The following ZFHX3 variants were observed in gnomAD, a reference collection of about 807,000 sequenced individuals.
The protein encoded by ZFHX3 is zinc finger homeobox protein 3.
ZFHX3 carries 42 observed loss-of-function variants against 279.1 expected under a neutral mutation model. That is an observed-to-expected ratio of 0.15 (90% CI 0.12 to 0.19). The LOEUF is 0.19. Among genes scored for constraint, ZFHX3 ranks in the 10% least tolerant of loss-of-function variants. ZFHX3 has a pLI of 1.00. For missense variants in ZFHX3, 4,981 were observed against 4,754.0 expected, an observed-to-expected ratio of 1.05 and a Z score of -1.40; for synonymous variants, 2,293 against 1,957.8, an observed-to-expected ratio of 1.17 and a Z score of -4.52.
At chr16:73,728,578 T>C (rs1038865) in intron 1 of ZFHX3, among the ~76,000 whole-genome samples, 12,413 of 152,084 alleles carry the variant, frequency 0.082, 559 homozygotes, top group African/African-American at 0.11. Flanking sequence ...ACGATAACTC[T>C]TGTGAGTTAC....
chr16:73,592,258 A>G (rs1234152528), intron 2 of ZFHX3, among the ~76,000 whole-genome samples: 1 of 152,188 alleles, frequency 6.6e-6, no homozygotes, highest in African/African-American at 2.4e-5. Flanking sequence ...ACAAAAAACA[A>G]AACAACAAAA....
At chr16:73,034,596 G>A (rs72795149) in intron 1 of ZFHX3, among the ~76,000 whole-genome samples, 3,758 of 152,282 alleles carry the variant, frequency 0.025, 62 homozygotes, top group Middle Eastern at 0.044. Flanking sequence ...AGGGTGAAAC[G>A]AGCATTTCTA....
intron 7 of ZFHX3, among the ~76,000 whole-genome samples, chr16:73,100,403 G>A (rs1373869172): frequency 6.6e-6 from 1 of 152,142 alleles, no homozygotes; most frequent in African/African-American, 2.4e-5. Flanking sequence ...CTTTTTCTTT[G>A]ATCTGGCCCA....
intron 7 of ZFHX3, among the ~76,000 whole-genome samples, chr16:73,119,554 G>T (rs549249287): frequency 6.6e-6 from 1 of 152,186 alleles, no homozygotes; most frequent in Non-Finnish European, 1.5e-5. Flanking sequence ...GCTCCTGAGC[G>T]CTTGGACCAA....
chr16:73,612,147 T>C (rs2052253089), intron 2 of ZFHX3, among the ~76,000 whole-genome samples: 1 of 152,124 alleles, frequency 6.6e-6, no homozygotes, highest in Admixed American at 6.5e-5. Flanking sequence ...AAACTGCAGA[T>C]ACATAAAAAA....
intron 3 of ZFHX3, among the ~76,000 whole-genome samples, chr16:73,326,607 G>T (rs1014083585): frequency 6.6e-6 from 1 of 152,146 alleles, no homozygotes; most frequent in East Asian, 1.9e-4. Context: ...AAGGGTTGAG[G>T]GGGGAGGGAA....
chr16:73,535,703 G>T (rs373182506), intron 2 of ZFHX3, among the ~76,000 whole-genome samples: 1 of 150,866 alleles, frequency 6.6e-6, no homozygotes. Context: ...TTGGCCCTTG[G>T]GTTCTATGTG....
intron 5 of ZFHX3, among the ~76,000 whole-genome samples, chr16:73,254,852 G>C (rs1389725482): frequency 6.6e-6 from 1 of 152,116 alleles, no homozygotes; most frequent in Non-Finnish European, 1.5e-5. Context: ...AATAGAATAT[G>C]AGAGATGTCT....
intron 2 of ZFHX3, among the ~76,000 whole-genome samples, chr16:73,551,914 A>G (rs1267094840): frequency 6.6e-6 from 1 of 152,216 alleles, no homozygotes; most frequent in Non-Finnish European, 1.5e-5. Context: ...TATAATGCAT[A>G]CATATAAACA....
intron 1 of ZFHX3, among the ~76,000 whole-genome samples, chr16:72,976,791 T>C (rs1179013496): frequency 1.3e-5 from 2 of 152,182 alleles, no homozygotes; most frequent in Admixed American, 1.3e-4. Context: ...ACACTGACCA[T>C]GGCATCTCAT....
At chr16:73,423,210 C>T (rs1364969497) in intron 3 of ZFHX3, among the ~76,000 whole-genome samples, 1 of 143,836 alleles carries the variant, frequency 7.0e-6, no homozygotes, top group African/African-American at 2.6e-5. Context: ...ATAACACCAC[C>T]CTTTGTTATT....
intron 2 of ZFHX3, among the ~76,000 whole-genome samples, chr16:73,652,942 C>T (rs2052685292): frequency 6.6e-6 from 1 of 151,810 alleles, no homozygotes; most frequent in African/African-American, 2.4e-5. Context: ...AAATGGCAGA[C>T]TGAATAAAAA....
intron 1 of ZFHX3, among the ~76,000 whole-genome samples, chr16:73,852,969 C>A (rs1049527929): frequency 1.5e-5 from 1 of 65,678 alleles, no homozygotes; most frequent in Non-Finnish European, 4.0e-5. Flanking sequence ...ACAAGTAAAA[C>A]AAACAAACAA....
chr16:73,533,361 T>A (rs564812612), intron 2 of ZFHX3, among the ~76,000 whole-genome samples: 1 of 150,446 alleles, frequency 6.6e-6, no homozygotes, highest in East Asian at 2.0e-4. Flanking sequence ...AAACCACTCA[T>A]CCTCTTATCT....
intron 5 of ZFHX3, among the ~76,000 whole-genome samples, chr16:73,214,647 C>T (rs372469617): frequency 2.0e-5 from 3 of 151,996 alleles, no homozygotes; most frequent in African/African-American, 4.8e-5. Context: ...CCCATGTGCT[C>T]GAGATCTCTT....
chr16:73,764,493 AT>A (rs1213957727), intron 1 of ZFHX3, among the ~76,000 whole-genome samples: 2 of 152,200 alleles, frequency 1.3e-5, no homozygotes, highest in African/African-American at 2.4e-5. Context: ...CAGAGAATTC[AT>A]AGTGATCTTA....
chr16:73,819,191 G>A (rs866456938), intron 1 of ZFHX3, among the ~76,000 whole-genome samples: 1 of 151,812 alleles, frequency 6.6e-6, no homozygotes, highest in Non-Finnish European at 1.5e-5. Context: ...TCTCCCAATG[G>A]CAACGATAGC....
upstream of ZFHX3, among the ~76,000 whole-genome samples, chr16:73,064,660 G>C (rs1306228074): frequency 6.6e-6 from 1 of 152,084 alleles, no homozygotes; most frequent in African/African-American, 2.4e-5. Context: ...CCCAAACTTG[G>C]AGCGCCCGGA....
chr16:73,860,513 T>A (rs2142389354), intron 1 of ZFHX3, among the ~76,000 whole-genome samples: 1 of 152,136 alleles, frequency 6.6e-6, no homozygotes, highest in South Asian at 2.1e-4. Flanking sequence ...ATGACTTTGG[T>A]CTCCAACATG....
Sources: allele counts gnomAD v4.1 joint callset (sites outside exome capture counted in the v4.1 genomes callset), GRCh38; gene constraint gnomAD v4.1.1; transcripts MANE v1.5; gene names NCBI Gene and HGNC (gene_info 2026-07-23, HGNC 2026-07-21).